Variants in PRRC1 observed in about 807,000 individuals in gnomAD.
PRRC1 encodes proline rich coiled-coil 1.
A neutral mutation model predicts 40.7 loss-of-function variants in PRRC1; 39 were observed. The ratio of observed to expected loss-of-function variants is 0.96; its 90% CI spans 0.74 to 1.25. PRRC1 has a LOEUF of 1.25. PRRC1 is among the 50% of genes most tolerant of loss of function. The pLI is 0.00. For missense variants in PRRC1, 573 were observed against 548.3 expected (o/e 1.05, Z -0.45); for synonymous variants, 175 against 193.3 (o/e 0.91, Z 0.79).
Position 127,551,924 on chromosome 5 carries a change from C to T in PRRC1, c.*8C>T. 3.7e-6 allele frequency: 6 copies of T among 1,613,852 alleles called. No individual in the cohort carries two copies. The highest frequency in any genetic ancestry group is 5.1e-6 in the Non-Finnish European group (6 of 1,179,864). On this transcript the variant is annotated 3_prime_UTR_variant, in exon 9 of 9. Coordinates refer to ENST00000296666, the MANE Select transcript of PRRC1 (RefSeq NM_130809.5). ...CCACCCAGGACAGTGTGAGAGGAGA[C>T]CTACCTGGGAGACTGAGACTTTCCC...
In PRRC1 at chr5:127,518,580, C is replaced by T. The variant is rs76894569; in HGVS notation, c.-21+804C>T. Among the ~76,000 whole-genome samples the T allele has an allele frequency of 2.2e-3, 338 of 152,252 alleles. 13 individuals are homozygous for T. The East Asian group carries it at 0.059, about 27-fold the overall frequency. ...AGTGAAAATTTATAAAATTTTATTT[C>T]GGGGTCAGATTAGGCTCTAACTAGC... On this transcript the variant is annotated intron_variant, in intron 1 of 8. Coordinates refer to ENST00000296666, the MANE Select transcript of PRRC1 (RefSeq NM_130809.5).
intron 1 of PRRC1, among the ~76,000 whole-genome samples, chr5:127,520,960 T>G (rs76419069): frequency 6.6e-6 from 1 of 152,178 alleles, no homozygotes; most frequent in Non-Finnish European, 1.5e-5. Context: ...ATTTTTTTTT[T>G]GAACCTAAAA....
chr5:127,521,426 T>G (rs1561677776), intron 1 of PRRC1, among the ~76,000 whole-genome samples: 1 of 152,206 alleles, frequency 6.6e-6, no homozygotes, highest in Non-Finnish European at 1.5e-5. Flanking sequence ...TTAGACTGCG[T>G]GGTCCAACCC....
chr5:127,524,784 T>C lies in PRRC1; in HGVS notation c.357T>C (p.Thr119=), dbSNP rs747368545. Residue 119 remains threonine, a synonymous_variant, in exon 3 of 9, where the codon ACT becomes ACC. Coordinates refer to ENST00000296666, the MANE Select transcript of PRRC1 (RefSeq NM_130809.5). ...HFPPSTSAPN[T]LLPAPPSGPP... ...CACCTTCAACTTCTGCCCCAAACAC[T>C]CTTTTACCTGCACCCCCTTCGGGTC... The C allele has an allele frequency of 3.1e-6, 5 of 1,614,138 alleles. No homozygotes were observed. In the South Asian group the frequency reaches 5.5e-5, roughly 18 times the overall value.
At chr5:127,548,272 T>G in intron 8 of PRRC1, 4 of 457,534 alleles carry the variant, frequency 8.7e-6, no homozygotes, top group Non-Finnish European at 1.6e-5. Context: ...ACATTTCATT[T>G]CCACTGTTAT....
chr5:127,520,724 C>T lies in PRRC1; in HGVS notation c.-20-2736C>T, dbSNP rs538331323. The stretch of plus-strand genomic sequence containing the variant: ...TGATGGAATGGTTCTATGTCCTGGT[C>T]GAGGTGGTGGTTATACGAGATTGTG... On this transcript the variant is annotated intron_variant, in intron 1 of 8. Transcript: ENST00000296666. 2.7e-4 allele frequency among the ~76,000 whole-genome samples: 41 copies of T among 151,906 alleles called. 1 individual carries two copies. Among genetic ancestry groups the T allele is most frequent in the Admixed American group, 1.6e-3 (25 of 15,244 alleles).
intron 2 of PRRC1, 58 bp downstream of exon 2, chr5:127,523,640 T>C: frequency 9.7e-7 from 1 of 1,035,206 alleles, no homozygotes; most frequent in Non-Finnish European, 1.4e-6. Flanking sequence ...TACTATCATC[T>C]TTTCTCAGAG....
In PRRC1 at chr5:127,552,554, A is replaced by ATAAC. The variant is rs1244043035; in HGVS notation, c.*640_*643dup. On this transcript the variant is annotated 3_prime_UTR_variant, in exon 9 of 9. Transcript: ENST00000296666. The stretch of plus-strand genomic sequence containing the variant: ...AATCATACCTTTGTCAATTTTAAAC[A>ATAAC]TAACTTTTGGCATTTCCCAGATTTA... 26 of 985,802 alleles carry ATAAC rather than the reference A, an allele frequency of 2.6e-5. No individual in the cohort carries two copies. Among genetic ancestry groups the ATAAC allele is most frequent in the African/African-American group, 1.0e-4 (6 of 57,252 alleles). 61.1% of individuals were successfully genotyped at this position (985,802 alleles called of 1,614,324 possible).
Position 127,553,057 on chromosome 5 carries a change from T to A in PRRC1, c.*1141T>A. 1 of 741,974 alleles carries A rather than the reference T, an allele frequency of 1.3e-6. No individual in the cohort carries two copies. Among genetic ancestry groups the A allele is most frequent in the South Asian group, 6.2e-5 (1 of 16,090 alleles). The allele number at this position is 741,974 out of a possible 1,614,324, so 46.0% of individuals were successfully genotyped here. A position where few individuals can be genotyped will look rare whatever the true frequency, so the allele number is the denominator to read the frequency against. ...TAAATAAATTTTTTTCTTAATACTG[T>A]TGGACTTTGTATATACAAGTTCAAA... is the stretch of plus-strand genomic sequence containing the variant. On this transcript the variant is annotated 3_prime_UTR_variant, in exon 9 of 9. Transcript: ENST00000296666.
At chr5:127,530,427 A>ATTT in intron 5 of PRRC1, 31 bp downstream of exon 5, 3 of 1,335,390 alleles carry the variant, frequency 2.2e-6, no homozygotes, top group Non-Finnish European at 3.1e-6. Flanking sequence ...GGTATCTGCC[A>ATTT]TTTTTTTTTT....
rs778540460 is a variant in PRRC1, at chr5:127,553,689, TA to T, written c.*1778del. 96 of 1,487,968 alleles carry T rather than the reference TA, an allele frequency of 6.5e-5. No individual in the cohort carries two copies. The highest frequency in any genetic ancestry group is 8.1e-5 in the Non-Finnish European group (91 of 1,125,826). 92.2% of individuals were successfully genotyped at this position (1,487,968 alleles called of 1,614,324 possible). A position where few individuals can be genotyped will look rare whatever the true frequency, so the allele number is the denominator to read the frequency against. On this transcript the variant is annotated 3_prime_UTR_variant, in exon 9 of 9. Transcript: ENST00000296666. ...TATTATAAGGAAATCTTACAGATTC[TA>T]AAAATACCTTAATTTTTCTTTGATT... is the stretch of plus-strand genomic sequence containing the variant.
chr5:127,540,232 T>A (rs1197355716), intron 7 of PRRC1, among the ~76,000 whole-genome samples: 1 of 152,152 alleles, frequency 6.6e-6, no homozygotes, highest in Non-Finnish European at 1.5e-5. Flanking sequence ...TGTGTCATTT[T>A]TTTTTATTAA....
chr5:127,534,192 CCT>C (rs1755705281), intron 6 of PRRC1, among the ~76,000 whole-genome samples: 1 of 152,120 alleles, frequency 6.6e-6, no homozygotes, highest in African/African-American at 2.4e-5. Context: ...ACTTTATTTT[CCT>C]CTCTTTGTGT....
chr5:127,547,980 A>G, intron 8 of PRRC1, 59 bp downstream of exon 8: 1 of 1,114,418 alleles, frequency 9.0e-7, no homozygotes, highest in Admixed American at 1.7e-5. Flanking sequence ...TATTGTTTTC[A>G]GAATAAAAAT....
chr5:127,518,457 C>T (rs1767372786), intron 1 of PRRC1, among the ~76,000 whole-genome samples: 1 of 152,206 alleles, frequency 6.6e-6, no homozygotes, highest in African/African-American at 2.4e-5. Context: ...GTGTTTTTGT[C>T]ATTCGAAGTA....
chr5:127,529,782 G>T lies in PRRC1; in HGVS notation c.655-512G>T, dbSNP rs192927987. On this transcript the variant is annotated intron_variant, in intron 4 of 8. Transcript: ENST00000296666. ...AACAAGAAACAAGAAGTAGGAAAAA[G>T]AAGAAACTAGTAGAAGATAGCAAAA... Among the ~76,000 whole-genome samples the T allele has an allele frequency of 6.6e-5, 10 of 152,262 alleles. No individual in the cohort carries two copies. In the East Asian group the frequency reaches 1.9e-3, roughly 29 times the overall value.
chr5:127,520,829 A>G (rs1384127523), intron 1 of PRRC1, among the ~76,000 whole-genome samples: 1 of 152,168 alleles, frequency 6.6e-6, no homozygotes, highest in Non-Finnish European at 1.5e-5. Flanking sequence ...AATAAGATCT[A>G]TAGTTAATAG....
chr5:127,524,002 G>C lies in PRRC1; in HGVS notation c.103+420G>C, dbSNP rs112460965. On this transcript the variant is annotated intron_variant, in intron 2 of 8. Coordinates refer to ENST00000296666, the MANE Select transcript of PRRC1 (RefSeq NM_130809.5). ...TGATTCTCCTGCCTCAGCCTCCCAAGTAGCTGCAATTACAGCACTCACCAC... is the reference window on the plus strand; with the variant it reads ...TGATTCTCCTGCCTCAGCCTCCCAACTAGCTGCAATTACAGCACTCACCAC... 1,027 of 158,694 alleles carry C rather than the reference G, an allele frequency of 6.5e-3. 5 individuals are homozygous for C. Among genetic ancestry groups the C allele is most frequent in the African/African-American group, 0.024 (991 of 41,520 alleles). The allele number at this position is 158,694 out of a possible 1,614,324, so 9.8% of individuals were successfully genotyped here.
intron 8 of PRRC1, 160 bp from the exon 9 acceptor site, chr5:127,551,547 G>T: frequency 1.4e-6 from 1 of 692,716 alleles, no homozygotes. Context: ...TTGTGTTCTA[G>T]CCTTGTAAGT....
Sources: gnomAD v4.1 joint callset for allele counts (sites outside exome capture counted in the v4.1 genomes callset) on GRCh38, gnomAD v4.1.1 for gene constraint, MANE v1.5 for transcripts, NCBI Gene and HGNC (gene_info 2026-07-23, HGNC 2026-07-21) for gene names.